The following MYB variants were observed in gnomAD, a reference collection of about 807,000 sequenced individuals.
The protein encoded by MYB is MYB proto-oncogene, transcription factor, also known as transcriptional activator Myb.
In MYB, 28 loss-of-function variants were observed where a neutral mutation model predicts 92.9. The ratio of observed to expected loss-of-function variants is 0.30; its 90% CI spans 0.22 to 0.41. The LOEUF (loss-of-function observed/expected upper bound fraction) is 0.41. Among genes scored for constraint, MYB ranks in the 10% least tolerant of loss-of-function variants. The probability of loss-of-function intolerance (pLI) is 1.00; values close to 1 mark genes in which losing one functional copy is unlikely to be tolerated. For missense variants in MYB, 679 were observed against 929.3 expected, an observed-to-expected ratio of 0.73 and a Z score of 3.50; for synonymous variants, 295 against 329.1, an observed-to-expected ratio of 0.90 and a Z score of 1.12.
chr6:135,187,868 G>A lies in MYB; in HGVS notation c.176G>A (p.Gly59Glu). The A allele has an allele frequency of 6.2e-7, 1 of 1,610,702 alleles. No homozygotes were observed. Reference protein sequence around the residue: ...EKLKKLVEQNGTDDWKVIANY... With the variant: ...EKLKKLVEQNETDDWKVIANY... ...CTGAAGAAGCTGGTGGAACAGAATGGAACAGATGACTGGAAAGTTATTGCC... is the reference window on the plus strand; with the variant it reads ...CTGAAGAAGCTGGTGGAACAGAATGAAACAGATGACTGGAAAGTTATTGCC... Residue 59 changes from glycine to glutamate, a missense_variant, in exon 3 of 16, where the codon GGA becomes GAA. By Grantham distance (98) the Gly-to-Glu change is moderately conservative. Transcript: ENST00000341911.
Position 135,192,514 on chromosome 6 carries a change from G to T in MYB, c.718G>T (p.Val240Phe), listed in dbSNP as rs754529781. 6.2e-7 allele frequency: 1 copy of T among 1,614,250 alleles called. No individual in the cohort carries two copies. Among genetic ancestry groups the T allele is most frequent in the Non-Finnish European group, 8.5e-7 (1 of 1,180,048 alleles). ...ACTCCCTGCCACTGGCCAGCCCACT[G>T]TTAACAACGACTATTCCTATTACCA... ...AQLPATGQPT[V>F]NNDYSYYHIS... is the part of the protein sequence containing the mutation. Residue 240 changes from valine (V) to phenylalanine (F), a missense_variant, in exon 6 of 16, where the codon GTT becomes TTT. By Grantham distance (50) the Val-to-Phe change is conservative (BLOSUM62 -1). Around this residue, in one of 8 missense-constraint regions of MYB, gnomAD observed 32 missense variants for 29.9 expected, o/e 1.07. Coordinates refer to ENST00000341911, the MANE Select transcript of MYB (RefSeq NM_001130173.2).
chr6:135,202,842 A>G, intron 14 of MYB: 1 of 451,018 alleles, frequency 2.2e-6, no homozygotes, highest in Non-Finnish European at 4.3e-6. Context: ...TTATAGCTCT[A>G]AAATATTGAT....
At chr6:135,213,886 A>G (rs1217078623) in intron 15 of MYB, among the ~76,000 whole-genome samples, 2 of 152,152 alleles carry the variant, frequency 1.3e-5, no homozygotes, top group Non-Finnish European at 2.9e-5. Flanking sequence ...AAACGAAAAC[A>G]AAAAAGACAC....
intron 7 of MYB, 46 bp from the exon 8 acceptor site, chr6:135,194,310 T>C (rs11154794): frequency 0.12 from 174,115 of 1,425,162 alleles, 11,416 homozygotes; most frequent in African/African-American, 0.23. Context: ...TATTTGCAGC[T>C]TCCAATCAGA....
intron 15 of MYB, among the ~76,000 whole-genome samples, chr6:135,206,837 A>G (rs1202875359): frequency 6.6e-6 from 1 of 152,226 alleles, no homozygotes; most frequent in African/African-American, 2.4e-5. Flanking sequence ...TACACCAAGT[A>G]TCTCCTTCAT....
rs1583461083 is a variant in MYB at position 135,218,192 on chromosome 6, C to T, written c.*212C>T. ...TTTTTAAAAATAAATAACAGTCTTA[C>T]CTAAATTATTAGGTAATGAATTGTA... On this transcript the variant is annotated 3_prime_UTR_variant, in exon 16 of 16. Transcript: ENST00000341911. 4.2e-6 allele frequency: 2 copies of T among 474,676 alleles called. No homozygotes were observed. Among genetic ancestry groups the T allele is most frequent in the East Asian group, 8.0e-5 (2 of 25,026 alleles). The allele number at this position is 474,676 out of a possible 1,614,324, so 29.4% of individuals were successfully genotyped here.
Position 135,197,217 on chromosome 6 carries a change from C to A in MYB, c.1460C>A (p.Ala487Asp). The change falls in exon 10 of 16, where the codon GCC (alanine) becomes GAC (aspartate). Residue 487 changes from alanine to aspartate, a missense_variant. Physicochemically the swap from Ala to Asp is moderately radical, Grantham distance 126. This residue lies in a region of MYB where 402 missense variants were observed against 434.2 expected (regional missense o/e 0.93). Transcript: ENST00000341911. ...ATCCTTCGAAAAAAACGGGGCCAGGCCAGCCCCTTAGCCACTGGAGACTGT... is the reference window on the plus strand; with the variant it reads ...ATCCTTCGAAAAAAACGGGGCCAGGACAGCCCCTTAGCCACTGGAGACTGT... ...LVILRKKRGQ[A>D]SPLATGDCSS... The A allele has an allele frequency of 6.2e-7, 1 of 1,613,974 alleles. No homozygotes were observed. The highest frequency in any genetic ancestry group is 1.1e-5 in the South Asian group (1 of 91,076).
In MYB at chr6:135,200,303, C is replaced by T; in HGVS notation, c.1838C>T (p.Ser613Phe). 1 of 1,614,136 alleles carries T rather than the reference C, an allele frequency of 6.2e-7. No individual in the cohort carries two copies. Among genetic ancestry groups the T allele is most frequent in the Non-Finnish European group, 8.5e-7 (1 of 1,180,016 alleles). ...TCTTCCGTTTAGCCTCAGACACCCT[C>T]TCATCTAGTAGAAGATCTGCAGGAT... ...GPLKMLPQTP[S>F]HLVEDLQDVI... The change falls in exon 13 of 16, where the codon TCT becomes TTT. Residue 613 changes from serine (S) to phenylalanine (F), a missense_variant. Around this residue, in one of 8 missense-constraint regions of MYB, gnomAD observed 402 missense variants for 434.2 expected, o/e 0.93. Transcript: ENST00000341911.
In MYB at chr6:135,217,944, C is replaced by A. The variant is rs1175584600; in HGVS notation, c.2250C>A (p.Tyr750Ter). ...QMTSSSQARK[Y>*]VNAFSARTLV... is the part of the protein sequence containing the mutation. ...CATCTTCCAGTCAAGCTCGTAAATA[C>A]GTGAATGCATTCTCAGCCCGGACGC... is the stretch of plus-strand genomic sequence containing the variant. The change falls in exon 16 of 16, where the codon TAC (tyrosine) becomes TAA (stop). Residue 750 changes from tyrosine (Y) to a stop codon, truncating the protein, a stop_gained. Coordinates refer to ENST00000341911, the MANE Select transcript of MYB (RefSeq NM_001130173.2). LOFTEE classifies it high-confidence loss of function. The A allele has an allele frequency of 5.0e-6, 8 of 1,612,656 alleles. No homozygotes were observed. Among genetic ancestry groups the A allele is most frequent in the Non-Finnish European group, 5.9e-6 (7 of 1,178,974 alleles).
intron 15 of MYB, among the ~76,000 whole-genome samples, chr6:135,205,379 G>T (rs1468376463): frequency 6.6e-6 from 1 of 152,040 alleles, no homozygotes; most frequent in Non-Finnish European, 1.5e-5. Context: ...ACTTGTATTT[G>T]TAGTAGTACA....
In MYB at chr6:135,191,786, A is replaced by G. The variant is rs1276316175; in HGVS notation, c.528-538A>G. On this transcript the variant is annotated intron_variant, in intron 5 of 15. Coordinates refer to ENST00000341911, the MANE Select transcript of MYB (RefSeq NM_001130173.2). ...TTCCACTCTCGTCTCTGTCTGATTC[A>G]GAAAACAATTGGGGTGGCTTTCAAA... Among the ~76,000 whole-genome samples, 5 of 152,188 alleles carry G rather than the reference A, an allele frequency of 3.3e-5. No individual in the cohort carries two copies. In the East Asian group the frequency reaches 7.7e-4, roughly 23 times the overall value.
chr6:135,194,615 G>A lies in MYB; in HGVS notation c.948+155G>A, dbSNP rs76135348. ...AGTTGCTTGTAGTAAAATGTAGTTG[G>A]TATCAGATTATATGCTGATTAAATT... On this transcript the variant is annotated intron_variant, in intron 8 of 15. Transcript: ENST00000341911. The A allele has an allele frequency of 6.4e-3, 3,926 of 613,834 alleles. 64 individuals are homozygous for A. The highest frequency in any genetic ancestry group is 0.033 in the African/African-American group (1,789 of 54,112). The allele number at this position is 613,834 out of a possible 1,614,324, so 38.0% of individuals were successfully genotyped here.
rs1442824017 is a variant in MYB at position 135,201,644 on chromosome 6, A to C, written c.1956A>C (p.Glu652Asp). 1 of 1,603,466 alleles carries C rather than the reference A, an allele frequency of 6.2e-7. No homozygotes were observed. Among genetic ancestry groups the C allele is most frequent in the African/African-American group, 1.3e-5 (1 of 74,444 alleles). ...PLLKKIKQEV[E>D]SPTDKSGNFF... is the part of the protein sequence containing the mutation. Reference sequence around the variant, plus strand: ...CACTTTCTATATGCTTTTAGGTGGAATCTCCAACTGATAAATCAGGAAACT... The same window carrying C: ...CACTTTCTATATGCTTTTAGGTGGACTCTCCAACTGATAAATCAGGAAACT... Residue 652 changes from glutamate (E) to aspartate (D), a missense_variant, in exon 14 of 16, where the codon GAA becomes GAC. By Grantham distance (45) the Glu-to-Asp change is conservative (BLOSUM62 2). Around this residue, in one of 8 missense-constraint regions of MYB, gnomAD observed 402 missense variants for 434.2 expected, o/e 0.93. Coordinates refer to ENST00000341911, the MANE Select transcript of MYB (RefSeq NM_001130173.2).
intron 15 of MYB, among the ~76,000 whole-genome samples, chr6:135,209,846 A>C (rs1036502962): frequency 2.0e-5 from 3 of 152,180 alleles, no homozygotes; most frequent in Non-Finnish European, 4.4e-5. Context: ...TGAGATTTTC[A>C]TGTCATATCA....
chr6:135,184,322 CTTTTTTTTTTT>C, intron 1 of MYB, among the ~76,000 whole-genome samples: 1 of 68,404 alleles, frequency 1.5e-5, no homozygotes, highest in Non-Finnish European at 2.8e-5. Flanking sequence ...GGCTTTATAG[CTTTTTTTTTTT>C]TTTTTTTTTT....
chr6:135,218,107 A>G lies in MYB; in HGVS notation c.*127A>G. 1.4e-6 allele frequency: 1 copy of G among 701,552 alleles called. No individual in the cohort carries two copies. Among genetic ancestry groups the G allele is most frequent in the Non-Finnish European group, 2.5e-6 (1 of 401,936 alleles). The allele number at this position is 701,552 out of a possible 1,614,324, so 43.5% of individuals were successfully genotyped here. ...TTTTTGTTGTGGTACAACAGTTGAG[A>G]GCAGCACCAAGTGCATTTAGTTGAA... is the stretch of plus-strand genomic sequence containing the variant. On this transcript the variant is annotated 3_prime_UTR_variant, in exon 16 of 16. Transcript: ENST00000341911.
intron 15 of MYB, among the ~76,000 whole-genome samples, chr6:135,214,959 A>G (rs1450211945): frequency 6.6e-6 from 1 of 152,220 alleles, no homozygotes; most frequent in Non-Finnish European, 1.5e-5. Context: ...CCTGTCTGTT[A>G]TCTTTGTCTT....
At chr6:135,199,092 C>T in intron 11 of MYB, 42 bp downstream of exon 11, 1 of 1,463,294 alleles carries the variant, frequency 6.8e-7, no homozygotes, top group Non-Finnish European at 9.2e-7. Flanking sequence ...ATCTTATTTA[C>T]TTATATTTAA....
At chr6:135,183,274 G>A in intron 1 of MYB, among the ~76,000 whole-genome samples, 1 of 152,112 alleles carries the variant, frequency 6.6e-6, no homozygotes, top group Non-Finnish European at 1.5e-5. Context: ...CGTCAACTCG[G>A]CAGGGATTAT....
Sources: allele counts gnomAD v4.1 joint callset (sites outside exome capture counted in the v4.1 genomes callset), GRCh38; gene constraint gnomAD v4.1.1; regional missense constraint gnomAD v4.1.1; transcripts MANE v1.5; gene names NCBI Gene and HGNC (gene_info 2026-07-23, HGNC 2026-07-21).